MTR: variants seen among roughly 807,000 people sequenced by gnomAD.
The protein encoded by MTR is methionine synthase.
MTR carries 84 observed loss-of-function variants against 154.8 expected under a neutral mutation model. The observed-to-expected ratio is 0.54, with a 90% CI of 0.45 to 0.65. The LOEUF (loss-of-function observed/expected upper bound fraction) is 0.65, where lower values mean the gene tolerates loss of function less well. Ranked by LOEUF, MTR falls within the 30% of genes least tolerant of loss-of-function variation. The pLI is 0.00. For missense variants in MTR, 1,275 were observed against 1,570.2 expected (o/e 0.81, Z 3.18); for synonymous variants, 554 against 553.9 (o/e 1.00, Z 0.00).
intron 19 of MTR, among the ~76,000 whole-genome samples, chr1:236,860,348 A>G (rs1664464478): frequency 6.6e-6 from 1 of 151,262 alleles, no homozygotes; most frequent in South Asian, 2.1e-4. Context: ...AAGATCAGTA[A>G]TCTCTTGGCT....
chr1:236,893,831 A>G (rs935276412), intron 29 of MTR, among the ~76,000 whole-genome samples: 2 of 152,026 alleles, frequency 1.3e-5, no homozygotes, highest in Non-Finnish European at 1.5e-5. Context: ...CGGCTCCTGT[A>G]TGACCCTTGA....
intron 29 of MTR, among the ~76,000 whole-genome samples, chr1:236,893,058 G>A (rs1666418583): frequency 6.6e-6 from 1 of 152,186 alleles, no homozygotes; most frequent in Non-Finnish European, 1.5e-5. Context: ...TACTCTGGGA[G>A]TCTGCTCTTC....
intron 15 of MTR, among the ~76,000 whole-genome samples, chr1:236,843,536 T>C (rs1663386945): frequency 6.6e-6 from 1 of 152,184 alleles, no homozygotes; most frequent in South Asian, 2.1e-4. Context: ...TGATCTGACT[T>C]ATGTTTAAAC....
chr1:236,860,996 T>C (rs1664501834), intron 19 of MTR, 129 bp from the exon 20 acceptor site: 2 of 750,780 alleles, frequency 2.7e-6, no homozygotes, highest in Non-Finnish European at 4.2e-6. Flanking sequence ...ATTGAGTCCA[T>C]GCACTCTGCT....
chr1:236,880,983 GTGAC>G (rs1665701264), intron 25 of MTR, 147 bp downstream of exon 25: 3 of 819,674 alleles, frequency 3.7e-6, no homozygotes. Context: ...TGCCTCTGCA[GTGAC>G]TGCCTTGCTG....
chr1:236,842,386 T>C (rs1663305618), intron 15 of MTR, among the ~76,000 whole-genome samples: 1 of 152,164 alleles, frequency 6.6e-6, no homozygotes, highest in African/African-American at 2.4e-5. Flanking sequence ...TTTTCTTTTC[T>C]TTTTTGGTAC....
chr1:236,825,373 C>T lies in MTR; in HGVS notation c.901C>T (p.Pro301Ser), dbSNP rs766371534. Reference protein sequence around the residue: ...PNTFGDYDETPSMMAKHLKDF... With the variant: ...PNTFGDYDETSSMMAKHLKDF... ...CACCTTTGGTGACTATGATGAAACG[C>T]CTTCTATGATGGCCAAGCACCTAAA... Residue 301 changes from proline (P) to serine (S), a missense_variant, in exon 10 of 33, where the codon CCT (proline) becomes TCT (serine). Coordinates refer to ENST00000366577, the MANE Select transcript of MTR (RefSeq NM_000254.3). 4 of 1,613,634 alleles carry T rather than the reference C, an allele frequency of 2.5e-6. No individual in the cohort carries two copies. The Admixed American group carries it at 6.7e-5, about 27-fold the overall frequency.
At chr1:236,857,031 T>A (rs1664250886) in intron 18 of MTR, among the ~76,000 whole-genome samples, 1 of 152,188 alleles carries the variant, frequency 6.6e-6, no homozygotes, top group Admixed American at 6.5e-5. Flanking sequence ...TTATAATCCT[T>A]TGGGTATATA....
chr1:236,883,651 G>A (rs1665872697), intron 25 of MTR, among the ~76,000 whole-genome samples: 1 of 152,150 alleles, frequency 6.6e-6, no homozygotes, highest in Non-Finnish European at 1.5e-5. Flanking sequence ...TTAATGTAAG[G>A]CTGGGGAATA....
At chr1:236,860,065 AGCTGC>A (rs1664434423) in intron 19 of MTR, 143 bp downstream of exon 19, 5 of 295,894 alleles carry the variant, frequency 1.7e-5, no homozygotes, top group South Asian at 2.2e-5. Flanking sequence ...GCTGTCCCCC[AGCTGC>A]CCCCCCCCCC....
At chr1:236,820,392 G>A (rs1359246415) in intron 8 of MTR, 4 of 846,068 alleles carry the variant, frequency 4.7e-6, no homozygotes, top group Admixed American at 3.4e-5. Context: ...AGGCATGCAG[G>A]TGCCCTCTGT....
At chr1:236,801,061 A>G (rs913261110) in intron 1 of MTR, among the ~76,000 whole-genome samples, 3 of 152,186 alleles carry the variant, frequency 2.0e-5, no homozygotes, top group Non-Finnish European at 2.9e-5. Context: ...CTAAATTAAC[A>G]CTACATGTGA....
chr1:236,887,434 T>C (rs571627168), intron 27 of MTR, among the ~76,000 whole-genome samples: 1 of 152,342 alleles, frequency 6.6e-6, no homozygotes, highest in Non-Finnish European at 1.5e-5. Flanking sequence ...GGAAATGTTG[T>C]GAGGGTAAAA....
At chr1:236,880,965 T>A in intron 25 of MTR, 129 bp downstream of exon 25, 3 of 923,062 alleles carry the variant, frequency 3.3e-6, no homozygotes, top group Non-Finnish European at 5.2e-6. Flanking sequence ...AGCCTGAGGC[T>A]CATGGTGTGC....
At chr1:236,833,858 C>T (rs1169341921) in intron 13 of MTR, among the ~76,000 whole-genome samples, 9 of 152,180 alleles carry the variant, frequency 5.9e-5, no homozygotes, top group Admixed American at 5.9e-4. Context: ...GGTCTTTTGA[C>T]CCTGTTGCTT....
intron 18 of MTR, among the ~76,000 whole-genome samples, chr1:236,853,502 A>G (rs915318907): frequency 6.6e-6 from 1 of 152,206 alleles, no homozygotes; most frequent in Non-Finnish European, 1.5e-5. Flanking sequence ...TTTTTGCAAA[A>G]TGAATATGCA....
intron 25 of MTR, among the ~76,000 whole-genome samples, chr1:236,881,939 C>T (rs977796640): frequency 6.6e-6 from 1 of 152,128 alleles, no homozygotes; most frequent in Admixed American, 6.5e-5. Flanking sequence ...GACCACACGT[C>T]TGTCAAAGTG....
intron 15 of MTR, among the ~76,000 whole-genome samples, chr1:236,841,469 A>AT (rs1305636741): frequency 6.6e-6 from 1 of 152,168 alleles, no homozygotes; most frequent in Non-Finnish European, 1.5e-5. Context: ...AGCCAGACAC[A>AT]TTAAGAGGAC....
At chr1:236,857,828 G>A (rs1047018250) in intron 18 of MTR, among the ~76,000 whole-genome samples, 1 of 152,214 alleles carries the variant, frequency 6.6e-6, no homozygotes, top group African/African-American at 2.4e-5. Context: ...GTCAGGGAAA[G>A]CTTCCCAGGG....
Sources: gnomAD v4.1 joint callset for allele counts (sites outside exome capture counted in the v4.1 genomes callset) on GRCh38, gnomAD v4.1.1 for gene constraint, MANE v1.5 for transcripts, NCBI Gene and HGNC (gene_info 2026-07-23, HGNC 2026-07-21) for gene names.